Variants in RAPGEF1 observed in about 807,000 individuals in gnomAD.
RAPGEF1 encodes the protein Rap guanine nucleotide exchange factor 1, also known as CRK SH3-binding GNRP.
Under a neutral mutation model 143.3 loss-of-function variants are expected in RAPGEF1, and 33 were observed. The ratio of observed to expected loss-of-function variants is 0.23; its 90% CI spans 0.17 to 0.31. The LOEUF (loss-of-function observed/expected upper bound fraction) is 0.31, where lower values mean the gene tolerates loss of function less well. RAPGEF1 is among the 10% of genes least tolerant of loss of function. The pLI, the probability that RAPGEF1 is intolerant of heterozygous loss-of-function variation, is 1.00. For synonymous variants in RAPGEF1, 629 were observed against 676.5 expected, an observed-to-expected ratio of 0.93 and a Z score of 1.09; for missense variants, 1,199 against 1,645.4, an observed-to-expected ratio of 0.73 and a Z score of 4.69.
chr9:131,608,696 C>T (rs1428373120), intron 12 of RAPGEF1, among the ~76,000 whole-genome samples: 7 of 152,322 alleles, frequency 4.6e-5, no homozygotes, highest in East Asian at 3.9e-4. Flanking sequence ...GGTACCTTCA[C>T]GGGGCAGGGA....
chr9:131,675,877 TGAACTC>T lies in RAPGEF1; in HGVS notation c.62-24934_62-24929del, dbSNP rs1832256912. 6.6e-6 allele frequency among the ~76,000 whole-genome samples: 1 copy of T among 152,040 alleles called. No homozygotes were observed. Among genetic ancestry groups the T allele is most frequent in the African/African-American group, 2.4e-5 (1 of 41,404 alleles). ...GTCACAGCATGATTGGGAAACAGCC[TGAACTC>T]GAACTGCTCAGTTTGACAAAAACTC... On this transcript the variant is annotated intron_variant, in intron 1 of 26. Transcript: ENST00000683357. The surrounding 1 kb of genome is among the most constrained non-coding windows in gnomAD (Gnocchi z 4.6).
chr9:131,596,550 C>A (rs1955325881), intron 16 of RAPGEF1, among the ~76,000 whole-genome samples, 177 bp from the exon 17 acceptor site: 1 of 152,214 alleles, frequency 6.6e-6, no homozygotes, highest in Non-Finnish European at 1.5e-5. Context: ...GGGGTGCCCT[C>A]CAGACTCACC....
intron 1 of RAPGEF1, among the ~76,000 whole-genome samples, chr9:131,689,746 C>CG (rs1396210342): frequency 6.6e-6 from 1 of 152,084 alleles, no homozygotes; most frequent in Non-Finnish European, 1.5e-5. Context: ...CTGTGTTGTC[C>CG]AGGCTGGTCT....
chr9:131,739,686 G>A (rs1222454368), intron 1 of RAPGEF1, 84 bp downstream of exon 1: 19 of 981,618 alleles, frequency 1.9e-5, no homozygotes, highest in Non-Finnish European at 2.1e-5. Context: ...CGCACATCCC[G>A]GGCGACCCGC....
chr9:131,637,693 AG>A (rs1251131550), intron 5 of RAPGEF1, among the ~76,000 whole-genome samples: 2 of 152,214 alleles, frequency 1.3e-5, no homozygotes, highest in African/African-American at 4.8e-5. Context: ...AATAAATAGC[AG>A]CTAAGGCCTG....
chr9:131,713,376 C>G (rs1835645476), intron 1 of RAPGEF1, among the ~76,000 whole-genome samples: 1 of 152,180 alleles, frequency 6.6e-6, no homozygotes, highest in Non-Finnish European at 1.5e-5. Context: ...GGGCAGGGAT[C>G]AACGCTAGGC....
chr9:131,613,722 G>A (rs1958417783), intron 12 of RAPGEF1, among the ~76,000 whole-genome samples: 1 of 152,162 alleles, frequency 6.6e-6, no homozygotes, highest in Admixed American at 6.5e-5. Context: ...GTCTGGTGAG[G>A]AGAGAAGCCT....
intron 12 of RAPGEF1, among the ~76,000 whole-genome samples, chr9:131,611,588 T>A (rs1391521615): frequency 6.6e-6 from 1 of 152,220 alleles, no homozygotes; most frequent in Non-Finnish European, 1.5e-5. Flanking sequence ...TTGATCTGAA[T>A]AACATCAACC....
intron 1 of RAPGEF1, among the ~76,000 whole-genome samples, chr9:131,673,258 T>C (rs1267845324): frequency 1.3e-5 from 2 of 152,152 alleles, no homozygotes; most frequent in East Asian, 1.9e-4. Context: ...GTCTCTCTCA[T>C]AGGAATACAG....
At chr9:131,615,284 C>T (rs898332390) in intron 12 of RAPGEF1, among the ~76,000 whole-genome samples, 1 of 152,324 alleles carries the variant, frequency 6.6e-6, no homozygotes, top group South Asian at 2.1e-4. Flanking sequence ...CCGTCTTAGC[C>T]GGGATGGTCT....
chr9:131,661,941 G>T (rs1974211517), intron 1 of RAPGEF1, among the ~76,000 whole-genome samples: 1 of 152,128 alleles, frequency 6.6e-6, no homozygotes, highest in African/African-American at 2.4e-5. Context: ...CTCCCTTACT[G>T]TATGAAAAAT....
chr9:131,732,655 A>G (rs1837155044), intron 1 of RAPGEF1, among the ~76,000 whole-genome samples: 1 of 152,064 alleles, frequency 6.6e-6, no homozygotes, highest in African/African-American at 2.4e-5. Flanking sequence ...CTGATCAGAT[A>G]TTGGTCCTAC....
At chr9:131,719,951 T>A (rs1458775332) in intron 1 of RAPGEF1, among the ~76,000 whole-genome samples, 3 of 151,258 alleles carry the variant, frequency 2.0e-5, no homozygotes, top group Admixed American at 6.6e-5. Context: ...AGTGGCACGA[T>A]CTCAGCTCAC....
chr9:131,643,097 G>A, intron 4 of RAPGEF1, 142 bp downstream of exon 4: 3 of 885,998 alleles, frequency 3.4e-6, no homozygotes, highest in Non-Finnish European at 5.0e-6. Flanking sequence ...GTTGTGGGGG[G>A]AGTGGTCAGG....
chr9:131,646,220 T>G (rs1165336323), intron 3 of RAPGEF1, among the ~76,000 whole-genome samples: 1 of 152,144 alleles, frequency 6.6e-6, no homozygotes, highest in Non-Finnish European at 1.5e-5. Flanking sequence ...TGAGGCTTAG[T>G]GGGACGTGGG....
Position 131,579,487 on chromosome 9 carries a change from G to T in RAPGEF1, c.*10C>A, listed in dbSNP as rs760163451. 6.2e-7 allele frequency: 1 copy of T among 1,613,124 alleles called. No individual in the cohort carries two copies. The highest frequency in any genetic ancestry group is 1.7e-5 in the Admixed American group (1 of 59,878). ...CCCTCGAGCATTCTCCTGGATCCCG[G>T]CGTCTGCTCCTAGGTCTTCTCTTCC... On this transcript the variant is annotated 3_prime_UTR_variant, in exon 27 of 27. Coordinates refer to ENST00000683357, the MANE Select transcript of RAPGEF1 (RefSeq NM_001377935.1).
chr9:131,616,865 C>T (rs1314673030), intron 12 of RAPGEF1, among the ~76,000 whole-genome samples: 1 of 152,194 alleles, frequency 6.6e-6, no homozygotes, highest in Non-Finnish European at 1.5e-5. Flanking sequence ...AATCCCTTCT[C>T]TGAGGTTCCG....
chr9:131,620,984 T>C (rs142987894), intron 11 of RAPGEF1, among the ~76,000 whole-genome samples: 217 of 152,342 alleles, frequency 1.4e-3, no homozygotes, highest in African/African-American at 5.1e-3. Flanking sequence ...AGCTCCCTGC[T>C]GGGGAGCTTC....
In RAPGEF1 at chr9:131,626,357, G is replaced by T; in HGVS notation, c.1267C>A (p.Gln423Lys). Residue 423 changes from glutamine (Q) to lysine (K), a missense_variant, in exon 10 of 27, where the codon CAG becomes AAG. Coordinates refer to ENST00000683357, the MANE Select transcript of RAPGEF1 (RefSeq NM_001377935.1). ...DLSNADQIPQ[Q>K]TAWNLSPLPE... ...AACGGGCTAAGGTTCCAGGCCGTCT[G>T]CTGAGGTATCTGGTCTGCGTTAGAG... 6.2e-7 allele frequency: 1 copy of T among 1,614,002 alleles called. No individual in the cohort carries two copies. The highest frequency in any genetic ancestry group is 8.5e-7 in the Non-Finnish European group (1 of 1,179,864).
Sources: gnomAD v4.1 joint callset for allele counts (sites outside exome capture counted in the v4.1 genomes callset) on GRCh38, gnomAD v4.1.1 for gene constraint, Gnocchi (gnomAD v3.1) non-coding constraint, MANE v1.5 for transcripts, NCBI Gene and HGNC (gene_info 2026-07-23, HGNC 2026-07-21) for gene names.